ADCY5: variants seen among roughly 807,000 people sequenced by gnomAD.
The protein encoded by ADCY5 is adenylate cyclase type 5.
A neutral mutation model predicts 119.7 loss-of-function variants in ADCY5; 30 were observed. That is an observed-to-expected ratio of 0.25 (90% CI 0.19 to 0.34). ADCY5 has a LOEUF of 0.34. Ranked by LOEUF, ADCY5 falls within the 10% of genes least tolerant of loss-of-function variation. ADCY5 has a pLI of 1.00. For missense variants in ADCY5, 1,324 were observed against 1,775.2 expected (o/e 0.75, Z 4.57); for synonymous variants, 753 against 762.2 (o/e 0.99, Z 0.20).
intron 1 of ADCY5, among the ~76,000 whole-genome samples, chr3:123,425,361 T>C (rs1296442024): frequency 6.6e-6 from 1 of 152,166 alleles, no homozygotes; most frequent in Admixed American, 6.5e-5. Context: ...GGGTGTCCCA[T>C]TTGATGTCTC....
chr3:123,448,369 C>A lies in ADCY5; in HGVS notation c.177G>T (p.Gly59=), dbSNP rs1362256621. The stretch of plus-strand genomic sequence containing the variant: ...GCTGCTGCTGCTGCGGGGTCACCGC[C>A]CCCCCGGGTTTCTTGGTGGAGCCGC... ...SARGSTKKPG[G]AVTPQQQQRL... Residue 59 remains glycine, a synonymous_variant, in exon 1 of 21, where the codon GGG becomes GGT. Coordinates refer to ENST00000462833, the MANE Select transcript of ADCY5 (RefSeq NM_183357.3). 2.0e-6 allele frequency: 3 copies of A among 1,489,050 alleles called. No individual in the cohort carries two copies. In the East Asian group the frequency reaches 8.5e-5, roughly 42 times the overall value. 92.2% of individuals were successfully genotyped at this position (1,489,050 alleles called of 1,614,324 possible). A position where few individuals can be genotyped will look rare whatever the true frequency, so the allele number is the denominator to read the frequency against.
At chr3:123,379,466 C>T (rs1471225655) in intron 1 of ADCY5, among the ~76,000 whole-genome samples, 1 of 152,200 alleles carries the variant, frequency 6.6e-6, no homozygotes, top group Non-Finnish European at 1.5e-5. Flanking sequence ...CACTCAATCT[C>T]TCTCCCTGGG....
At chr3:123,315,027 GCCA>G (rs1307794880) in intron 11 of ADCY5, among the ~76,000 whole-genome samples, 1 of 152,178 alleles carries the variant, frequency 6.6e-6, no homozygotes, top group Non-Finnish European at 1.5e-5. Context: ...ACCACGGGTG[GCCA>G]CCCTCAGACA....
At chr3:123,369,961 A>G (rs578105907) in intron 1 of ADCY5, among the ~76,000 whole-genome samples, 2 of 152,302 alleles carry the variant, frequency 1.3e-5, no homozygotes, top group African/African-American at 4.8e-5. Context: ...AGGAAGGGTG[A>G]CCAGAATTGG....
intron 1 of ADCY5, among the ~76,000 whole-genome samples, chr3:123,423,172 T>C (rs981062190): frequency 2.6e-5 from 4 of 151,158 alleles, no homozygotes; most frequent in Non-Finnish European, 5.9e-5. Context: ...CCCGCCCCAA[T>C]TGCCGGCCCA....
chr3:123,363,005 T>G (rs1264792081), intron 1 of ADCY5, among the ~76,000 whole-genome samples: 1 of 151,634 alleles, frequency 6.6e-6, no homozygotes, highest in Non-Finnish European at 1.5e-5. Context: ...TAGCTGGGCG[T>G]GGTGGTGCGC....
At chr3:123,326,354 C>T (rs984845364) in intron 7 of ADCY5, among the ~76,000 whole-genome samples, 1 of 152,230 alleles carries the variant, frequency 6.6e-6, no homozygotes, top group Admixed American at 6.5e-5. Flanking sequence ...AGACCTGAGG[C>T]AACCCTCCCC....
chr3:123,360,090 T>C (rs569298227), intron 1 of ADCY5, among the ~76,000 whole-genome samples: 1 of 152,112 alleles, frequency 6.6e-6, no homozygotes, highest in East Asian at 1.9e-4. Context: ...TACATATTTT[T>C]AACTGTTTTT....
chr3:123,315,393 A>G (rs1576560583), intron 11 of ADCY5, among the ~76,000 whole-genome samples: 1 of 151,986 alleles, frequency 6.6e-6, no homozygotes, highest in African/African-American at 2.4e-5. Context: ...CTAGAGAATG[A>G]CCTCTGCCAA....
At chr3:123,334,410 C>T (rs1364938019) in intron 3 of ADCY5, among the ~76,000 whole-genome samples, 3 of 152,182 alleles carry the variant, frequency 2.0e-5, no homozygotes, top group African/African-American at 7.2e-5. Context: ...CATATTTTGT[C>T]CTTTTATTCT....
At chr3:123,301,630 G>A (rs1163981649) in intron 14 of ADCY5, among the ~76,000 whole-genome samples, 1 of 152,212 alleles carries the variant, frequency 6.6e-6, no homozygotes, top group Non-Finnish European at 1.5e-5. Flanking sequence ...GCTGAAGGCT[G>A]GCACCAAGCC....
In ADCY5 at chr3:123,318,507, T is replaced by A. The variant is rs139352193; in HGVS notation, c.2257-390A>T. ...GAATAAAACTGCTGTCATTTCTTCT[T>A]CAGAGATGAGCAAGCTGGGCCTCAG... On this transcript the variant is annotated intron_variant, in intron 10 of 20. Transcript: ENST00000462833. Among the ~76,000 whole-genome samples, 217 of 152,226 alleles carry A rather than the reference T, an allele frequency of 1.4e-3. 5 individuals are homozygous for A. The East Asian group carries it at 0.031, about 22-fold the overall frequency.
At chr3:123,412,942 A>G (rs1291816173) in intron 1 of ADCY5, among the ~76,000 whole-genome samples, 1 of 152,182 alleles carries the variant, frequency 6.6e-6, no homozygotes. Flanking sequence ...GATGCCCAGC[A>G]CAGCCTGATA....
chr3:123,376,657 C>T (rs1185544683), intron 1 of ADCY5, among the ~76,000 whole-genome samples: 1 of 152,132 alleles, frequency 6.6e-6, no homozygotes, highest in Non-Finnish European at 1.5e-5. Context: ...ACAATGAACG[C>T]CTCAACCTTA....
At chr3:123,385,614 C>A (rs1944196774) in intron 1 of ADCY5, among the ~76,000 whole-genome samples, 1 of 152,092 alleles carries the variant, frequency 6.6e-6, no homozygotes, top group South Asian at 2.1e-4. Flanking sequence ...AGAACTCCTG[C>A]ATGGGGACCC....
chr3:123,419,247 C>T lies in ADCY5; in HGVS notation c.1134+28165G>A, dbSNP rs918149180. Reference sequence around the variant, plus strand: ...GTCAGGTGGCACTCAAGGCCCTCCCCTCCACGCGCCCCCACAGGCCAGGGA... The same window carrying T: ...GTCAGGTGGCACTCAAGGCCCTCCCTTCCACGCGCCCCCACAGGCCAGGGA... On this transcript the variant is annotated intron_variant, in intron 1 of 20. Transcript: ENST00000462833. The T allele has an allele frequency of 6.1e-6, 6 of 984,062 alleles. No individual in the cohort carries two copies. The African/African-American group carries it at 1.0e-4, about 17-fold the overall frequency. 61.0% of individuals were successfully genotyped at this position (984,062 alleles called of 1,614,324 possible). A position where few individuals can be genotyped will look rare whatever the true frequency, so the allele number is the denominator to read the frequency against.
intron 1 of ADCY5, among the ~76,000 whole-genome samples, chr3:123,391,697 T>C (rs1007722888): frequency 1.3e-5 from 2 of 152,224 alleles, no homozygotes; most frequent in Admixed American, 1.3e-4. Flanking sequence ...CTGGGGTTCC[T>C]GTTAGGTCAG....
intron 12 of ADCY5, 88 bp from the exon 13 acceptor site, chr3:123,304,271 T>C (rs1940076472): frequency 2.4e-6 from 2 of 840,964 alleles, no homozygotes; most frequent in East Asian, 2.7e-5. Context: ...GGGAGTGCAG[T>C]GGACCCACCT....
At position 123,447,935 on chromosome 3, in the gene ADCY5, G is replaced by C; in HGVS notation, c.611C>G (p.Ser204Cys). The C allele has an allele frequency of 6.3e-7, 1 of 1,592,726 alleles. No individual in the cohort carries two copies. Among genetic ancestry groups the C allele is most frequent in the Admixed American group, 1.7e-5 (1 of 58,114 alleles). ...GSGAGPGAVLSLGACCLALLQ... is the reference protein window; with the variant it reads ...GSGAGPGAVLCLGACCLALLQ... The stretch of plus-strand genomic sequence containing the variant: ...CAACGCCAGGCAGCAGGCGCCCAGG[G>C]ACAGCACCGCGCCGGGCCCCGCGCC... The change falls in exon 1 of 21, where the codon TCC becomes TGC. Residue 204 changes from serine (S) to cysteine (C), a missense_variant. Around this residue, in one of 6 missense-constraint regions of ADCY5, gnomAD observed 585 missense variants for 569.9 expected, o/e 1.03. Transcript: ENST00000462833.
Sources: gnomAD v4.1 joint callset for allele counts (sites outside exome capture counted in the v4.1 genomes callset) on GRCh38, gnomAD v4.1.1 for gene constraint, gnomAD v4.1.1 regional missense constraint, MANE v1.5 for transcripts, NCBI Gene and HGNC (gene_info 2026-07-23, HGNC 2026-07-21) for gene names.